PPP1R9A: variants seen among roughly 807,000 people sequenced by gnomAD.
The protein encoded by PPP1R9A is protein phosphatase 1 regulatory subunit 9A, also known as neurabin-1.
In PPP1R9A, 59 loss-of-function variants were observed where a neutral mutation model predicts 141.9. The ratio of observed to expected loss-of-function variants is 0.42; its 90% CI spans 0.34 to 0.52. The LOEUF (loss-of-function observed/expected upper bound fraction) is 0.52. Ranked by LOEUF, PPP1R9A falls within the 20% of genes least tolerant of loss-of-function variation. PPP1R9A has a pLI of 0.10. For synonymous variants in PPP1R9A, 500 were observed against 569.7 expected, an observed-to-expected ratio of 0.88 and a Z score of 1.74; for missense variants, 1,444 against 1,611.9, an observed-to-expected ratio of 0.90 and a Z score of 1.78.
intron 4 of PPP1R9A, among the ~76,000 whole-genome samples, chr7:95,121,499 ATCT>A (rs1822600283): frequency 7.8e-6 from 1 of 127,724 alleles, no homozygotes; most frequent in Admixed American, 8.0e-5. Context: ...CTATCTATCT[ATCT>A]ATCTATCTTA....
chr7:95,247,230 G>T (rs1421291897), intron 8 of PPP1R9A, among the ~76,000 whole-genome samples: 2 of 152,136 alleles, frequency 1.3e-5, no homozygotes, highest in Non-Finnish European at 2.9e-5. Context: ...TTCTTCTCTT[G>T]GTCCCTGAGC....
At chr7:95,236,832 T>A (rs976797358) in intron 8 of PPP1R9A, among the ~76,000 whole-genome samples, 6 of 151,852 alleles carry the variant, frequency 4.0e-5, no homozygotes, top group Non-Finnish European at 8.8e-5. Context: ...TGAATATTGC[T>A]TTAACTACAT....
chr7:95,056,178 A>G (rs890789326), intron 2 of PPP1R9A, among the ~76,000 whole-genome samples: 9 of 152,112 alleles, frequency 5.9e-5, no homozygotes, highest in African/African-American at 2.2e-4. Flanking sequence ...ATTTCTTATC[A>G]TGGGCACACT....
chr7:95,112,117 C>T (rs1466801561), intron 3 of PPP1R9A, among the ~76,000 whole-genome samples: 2 of 151,748 alleles, frequency 1.3e-5, no homozygotes, highest in Admixed American at 6.6e-5. Context: ...CCCAAGGATA[C>T]TCAAGCATGG....
At chr7:95,143,772 G>C (rs1827115801) in intron 4 of PPP1R9A, among the ~76,000 whole-genome samples, 1 of 152,014 alleles carries the variant, frequency 6.6e-6, no homozygotes, top group Non-Finnish European at 1.5e-5. Context: ...ACGCAGGTCT[G>C]GTCACATGAA....
intron 4 of PPP1R9A, among the ~76,000 whole-genome samples, chr7:95,130,561 A>G (rs1469383399): frequency 6.6e-6 from 1 of 152,148 alleles, no homozygotes; most frequent in African/African-American, 2.4e-5. Flanking sequence ...GAAGAGGGCC[A>G]CTGTCCTCTA....
At chr7:95,015,239 C>T (rs1205013755) in intron 2 of PPP1R9A, among the ~76,000 whole-genome samples, 1 of 149,988 alleles carries the variant, frequency 6.7e-6, no homozygotes, top group Non-Finnish European at 1.5e-5. Context: ...CACACACACA[C>T]ACACACACAT....
intron 12 of PPP1R9A, among the ~76,000 whole-genome samples, chr7:95,265,254 T>G (rs111641182): frequency 6.6e-6 from 1 of 152,184 alleles, no homozygotes; most frequent in Non-Finnish European, 1.5e-5. Flanking sequence ...CAGAAGAATG[T>G]GAAGTTTACT....
At position 94,910,227 on chromosome 7, in the gene PPP1R9A, G is replaced by A; in HGVS notation, c.114G>A (p.Lys38=). Residue 38 remains lysine (K), a synonymous_variant, in exon 2 of 20, where the codon AAG becomes AAA. Coordinates refer to ENST00000433360, the MANE Select transcript of PPP1R9A (RefSeq NM_001166160.2). This position sits in a 1 kb window ranked among gnomAD's most constrained non-coding sequence, Gnocchi z 4.5. ...TGAAAAGTACCTTTGACAAACCCAAGTCAGATGGGGAACAAAAAACAAAAG... is the reference window on the plus strand; with the variant it reads ...TGAAAAGTACCTTTGACAAACCCAAATCAGATGGGGAACAAAAAACAAAAG... ...QALKSTFDKP[K]SDGEQKTKEG... 1.2e-6 allele frequency: 2 copies of A among 1,614,036 alleles called. No homozygotes were observed. Among genetic ancestry groups the A allele is most frequent in the Non-Finnish European group, 1.7e-6 (2 of 1,179,996 alleles).
chr7:95,071,292 A>T (rs912933350), intron 2 of PPP1R9A, among the ~76,000 whole-genome samples: 3 of 152,024 alleles, frequency 2.0e-5, no homozygotes, highest in Admixed American at 1.3e-4. Context: ...GTGAATTAGC[A>T]ATGGGACAGA....
chr7:95,164,741 CTT>C (rs200177321), intron 5 of PPP1R9A, among the ~76,000 whole-genome samples: 19,611 of 66,550 alleles, frequency 0.29, 2,171 homozygotes, highest in Non-Finnish European at 0.36. Flanking sequence ...CTTTTCTTTT[CTT>C]TTTTTTTTTT....
At chr7:95,116,418 CA>C (rs2152465610) in intron 3 of PPP1R9A, among the ~76,000 whole-genome samples, 1 of 151,850 alleles carries the variant, frequency 6.6e-6, no homozygotes, top group African/African-American at 2.4e-5. Flanking sequence ...GTATAAAAAT[CA>C]ATTTTTTCTA....
chr7:95,046,894 T>A (rs1202729252), intron 2 of PPP1R9A, among the ~76,000 whole-genome samples: 1 of 152,238 alleles, frequency 6.6e-6, no homozygotes, highest in Admixed American at 6.5e-5. Context: ...CCTTGGTAGA[T>A]AAAGTCTTCT....
chr7:94,967,289 G>T (rs1798326015), intron 2 of PPP1R9A, among the ~76,000 whole-genome samples: 2 of 151,174 alleles, frequency 1.3e-5, no homozygotes, highest in South Asian at 2.1e-4. Context: ...ATTTTTTTTT[G>T]AAGGGTTTTT....
intron 5 of PPP1R9A, among the ~76,000 whole-genome samples, chr7:95,168,035 GA>G (rs1304953805): frequency 1.3e-5 from 2 of 151,952 alleles, no homozygotes; most frequent in Non-Finnish European, 2.9e-5. Context: ...CACAGAAATA[GA>G]AAAAAGATCC....
At chr7:95,051,299 A>G (rs186146847) in intron 2 of PPP1R9A, among the ~76,000 whole-genome samples, 43 of 152,088 alleles carry the variant, frequency 2.8e-4, no homozygotes, top group East Asian at 2.3e-3. Flanking sequence ...AAGCATATTT[A>G]TATGGGTGTG....
Position 95,269,379 on chromosome 7 carries a change from C to G in PPP1R9A, c.2996C>G (p.Pro999Arg), listed in dbSNP as rs1585557020. Residue 999 changes from proline to arginine, a missense_variant, in exon 14 of 20, where the codon CCA (proline) becomes CGA (arginine). Transcript: ENST00000433360. ...IAEFQEEPLD[P>R]EMGPLSSMWG... Reference sequence around the variant, plus strand: ...GAATTTCAAGAAGAACCACTGGACCCAGAAATGGGGCCTCTCTCCTCTATG... The same window carrying G: ...GAATTTCAAGAAGAACCACTGGACCGAGAAATGGGGCCTCTCTCCTCTATG... 6.3e-7 allele frequency: 1 copy of G among 1,597,996 alleles called. No individual in the cohort carries two copies. Among genetic ancestry groups the G allele is most frequent in the East Asian group, 2.2e-5 (1 of 44,752 alleles).
At position 95,268,615 on chromosome 7, in the gene PPP1R9A, C is replaced by T; in HGVS notation, c.2731C>T (p.Leu911Phe). The change falls in exon 13 of 20, where the codon CTC becomes TTC. Residue 911 changes from leucine to phenylalanine, a missense_variant. Around this residue, in one of 5 missense-constraint regions of PPP1R9A, gnomAD observed 488 missense variants for 542.0 expected, o/e 0.90. Transcript: ENST00000433360. ...DSKALKTRAQLSVKNRRQRPS... is the reference protein window; with the variant it reads ...DSKALKTRAQFSVKNRRQRPS... ...AAAAGCACTGAAAACTCGAGCCCAG[C>T]TCTCTGTGAAGAACAGACGCCAGAG... is the stretch of plus-strand genomic sequence containing the variant. The T allele has an allele frequency of 6.2e-7, 1 of 1,613,556 alleles. No homozygotes were observed. The highest frequency in any genetic ancestry group is 8.5e-7 in the Non-Finnish European group (1 of 1,179,622).
rs146012805 is a variant in PPP1R9A, at chr7:95,082,463, G to T, written c.1396-28796G>T. On this transcript the variant is annotated intron_variant, in intron 2 of 19. Transcript: ENST00000433360. ...TTTAAAGTGTAGAGGGTAGAGACCT[G>T]GTGTGATGGGTGATTCCTGTAATCC... Among the ~76,000 whole-genome samples the T allele has an allele frequency of 6.0e-3, 908 of 150,704 alleles. 26 individuals carry two copies. Among genetic ancestry groups the T allele is most frequent in the African/African-American group, 0.021 (845 of 40,086 alleles).
Sources: gnomAD v4.1 joint callset for allele counts (sites outside exome capture counted in the v4.1 genomes callset) on GRCh38, gnomAD v4.1.1 for gene constraint, gnomAD v4.1.1 regional missense constraint, Gnocchi (gnomAD v3.1) non-coding constraint, MANE v1.5 for transcripts, NCBI Gene and HGNC (gene_info 2026-07-23, HGNC 2026-07-21) for gene names.